The following TESK2 variants were observed in gnomAD, a reference collection of about 807,000 sequenced individuals.
TESK2 encodes testis associated actin remodelling kinase 2.
In TESK2, 39 loss-of-function variants were observed where a neutral mutation model predicts 57.1. The observed-to-expected ratio is 0.68, with a 90% confidence interval of 0.53 to 0.89. The LOEUF is 0.89. Among genes scored for constraint, TESK2 ranks in the 40% least tolerant of loss-of-function variants. The probability of loss-of-function intolerance (pLI) is 0.00; values close to 1 mark genes in which losing one functional copy is unlikely to be tolerated. For missense variants in TESK2, 646 were observed against 732.1 expected (o/e 0.88, Z 1.36); for synonymous variants, 249 against 267.9 (o/e 0.93, Z 0.69).
At chr1:45,379,032 C>T (rs1557549361) in intron 4 of TESK2, among the ~76,000 whole-genome samples, 1 of 152,186 alleles carries the variant, frequency 6.6e-6, no homozygotes, top group Non-Finnish European at 1.5e-5. Context: ...AGCAACTTCA[C>T]ATCTTTATCA....
At chr1:45,390,913 C>T (rs1314832608) in intron 3 of TESK2, among the ~76,000 whole-genome samples, 2 of 147,186 alleles carry the variant, frequency 1.4e-5, no homozygotes, top group African/African-American at 5.1e-5. Context: ...CAGCCTCTAG[C>T]TACATTTCTT....
intron 2 of TESK2, among the ~76,000 whole-genome samples, chr1:45,436,320 G>A (rs1651220195): frequency 6.7e-6 from 1 of 148,722 alleles, no homozygotes; most frequent in South Asian, 2.1e-4. Flanking sequence ...GAGTAGCTGG[G>A]ATTACAGGCA....
chr1:45,421,559 TTAAG>T (rs1650478055), intron 3 of TESK2, among the ~76,000 whole-genome samples, 162 bp downstream of exon 3: 1 of 152,160 alleles, frequency 6.6e-6, no homozygotes. Context: ...TACCAATAAA[TTAAG>T]TCTCAATGGG....
chr1:45,390,952 T>A (rs1649111284), intron 3 of TESK2, among the ~76,000 whole-genome samples: 1 of 147,508 alleles, frequency 6.8e-6, no homozygotes, highest in East Asian at 2.0e-4. Context: ...GGAGTCTCAC[T>A]CTGCGCCCAG....
At chr1:45,358,032 G>T (rs926959987) in intron 4 of TESK2, among the ~76,000 whole-genome samples, 9 of 104,296 alleles carry the variant, frequency 8.6e-5, no homozygotes, top group Non-Finnish European at 1.3e-4. Context: ...AAAAAAAAAA[G>T]CCTGGGCACA....
intron 1 of TESK2, among the ~76,000 whole-genome samples, chr1:45,458,845 T>C (rs1652222037): frequency 6.6e-6 from 1 of 152,150 alleles, no homozygotes; most frequent in African/African-American, 2.4e-5. Flanking sequence ...GGTACATAAC[T>C]AAGAATAAAA....
chr1:45,454,276 G>T (rs550523884), intron 2 of TESK2, among the ~76,000 whole-genome samples: 1 of 152,144 alleles, frequency 6.6e-6, no homozygotes, highest in East Asian at 1.9e-4. Flanking sequence ...ATGAGGAGTT[G>T]TTTAATGGGT....
chr1:45,476,468 C>A (rs567465603), intron 1 of TESK2, among the ~76,000 whole-genome samples: 1 of 151,332 alleles, frequency 6.6e-6, no homozygotes, highest in South Asian at 2.1e-4. Context: ...GATGACACCA[C>A]CGCACTCCGG....
Position 45,447,086 on chromosome 1 carries a change from A to G in TESK2, c.222+10478T>C, listed in dbSNP as rs144871368. Among the ~76,000 whole-genome samples, 85 of 152,202 alleles carry G rather than the reference A, an allele frequency of 5.6e-4. No individual in the cohort carries two copies. The East Asian group carries it at 0.013, about 23-fold the overall frequency. ...TTTTAAAAATTAGCCAGGCACGGTAATATGCTAGTAGTCCCAGATACTCAG... is the reference window on the plus strand; with the variant it reads ...TTTTAAAAATTAGCCAGGCACGGTAGTATGCTAGTAGTCCCAGATACTCAG... On this transcript the variant is annotated intron_variant, in intron 2 of 10. Coordinates refer to ENST00000372086, the MANE Select transcript of TESK2 (RefSeq NM_007170.3).
chr1:45,424,478 C>A (rs936257213), intron 2 of TESK2, among the ~76,000 whole-genome samples: 1 of 152,192 alleles, frequency 6.6e-6, no homozygotes, highest in South Asian at 2.1e-4. Flanking sequence ...TTGTAATGTA[C>A]CTCTTGACTG....
chr1:45,405,270 C>G (rs1272139499), intron 3 of TESK2, among the ~76,000 whole-genome samples: 1 of 152,110 alleles, frequency 6.6e-6, no homozygotes, highest in East Asian at 1.9e-4. Flanking sequence ...TCCTGATCTC[C>G]CATTTCCAAA....
At chr1:45,473,828 G>C (rs146592650) in intron 1 of TESK2, among the ~76,000 whole-genome samples, 114 of 147,426 alleles carry the variant, frequency 7.7e-4, no homozygotes, top group Middle Eastern at 3.5e-3. Flanking sequence ...ATAAGGTCTT[G>C]CTCTGTCACC....
At chr1:45,401,095 TAA>T (rs1358645300) in intron 3 of TESK2, among the ~76,000 whole-genome samples, 1 of 148,034 alleles carries the variant, frequency 6.8e-6, no homozygotes, top group African/African-American at 2.5e-5. Flanking sequence ...TACTCTGATT[TAA>T]AAAACACTGA....
chr1:45,427,573 C>T (rs1344914107), intron 2 of TESK2, among the ~76,000 whole-genome samples: 2 of 152,172 alleles, frequency 1.3e-5, no homozygotes, highest in African/African-American at 4.8e-5. Flanking sequence ...GAGTACTATT[C>T]AGCCATAAGA....
At chr1:45,464,067 A>C (rs745387705) in intron 1 of TESK2, among the ~76,000 whole-genome samples, 1 of 152,098 alleles carries the variant, frequency 6.6e-6, no homozygotes, top group Non-Finnish European at 1.5e-5. Context: ...ATTTCTGTGA[A>C]GAGTGTCACT....
intron 1 of TESK2, among the ~76,000 whole-genome samples, chr1:45,486,784 C>CACACAT (rs764331930): frequency 3.6e-5 from 4 of 110,926 alleles, no homozygotes; most frequent in African/African-American, 1.5e-4. Context: ...TCCCAGCATA[C>CACACAT]ACACACACAC....
At chr1:45,424,081 G>A (rs899341249) in intron 2 of TESK2, among the ~76,000 whole-genome samples, 1 of 152,132 alleles carries the variant, frequency 6.6e-6, no homozygotes, top group Non-Finnish European at 1.5e-5. Context: ...ACTTTACTAT[G>A]CAAAAATGTC....
chr1:45,371,827 C>T (rs1648198534), intron 4 of TESK2, among the ~76,000 whole-genome samples: 1 of 152,150 alleles, frequency 6.6e-6, no homozygotes, highest in South Asian at 2.1e-4. Context: ...GAGATTACAC[C>T]ATTGCACTCC....
chr1:45,406,968 T>C lies in TESK2; in HGVS notation c.344+14757A>G, dbSNP rs1649872490. Among the ~76,000 whole-genome samples the C allele has an allele frequency of 2.0e-5, 3 of 152,224 alleles. No individual in the cohort carries two copies. The South Asian group carries it at 6.2e-4, about 31-fold the overall frequency. ...CTGACCTTATCTACTGATTTTACAG[T>C]GTAGCAGCTGAGGATTTAGCATTCT... On this transcript the variant is annotated intron_variant, in intron 3 of 10. Transcript: ENST00000372086.
Sources: gnomAD v4.1 joint callset for allele counts (sites outside exome capture counted in the v4.1 genomes callset) on GRCh38, gnomAD v4.1.1 for gene constraint, MANE v1.5 for transcripts, NCBI Gene and HGNC (gene_info 2026-07-23, HGNC 2026-07-21) for gene names.